Variants in RGS6 observed in about 807,000 individuals in gnomAD.
RGS6 encodes the protein regulator of G protein signaling 6, also known as regulator of G-protein signaling 6.
Under a neutral mutation model 78.5 loss-of-function variants are expected in RGS6, and 30 were observed. The ratio of observed to expected loss-of-function variants is 0.38; its 90% confidence interval spans 0.29 to 0.52. RGS6 has a LOEUF of 0.52. Among genes scored for constraint, RGS6 ranks in the 20% least tolerant of loss-of-function variants. RGS6 has a pLI of 0.85. For synonymous variants in RGS6, 206 were observed against 206.0 expected, an observed-to-expected ratio of 1.00 and a Z score of 0.00; for missense variants, 495 against 609.7, an observed-to-expected ratio of 0.81 and a Z score of 1.98.
At chr14:72,235,240 C>G (rs2050711483) in intron 2 of RGS6, among the ~76,000 whole-genome samples, 1 of 152,086 alleles carries the variant, frequency 6.6e-6, no homozygotes, top group Admixed American at 6.5e-5. Context: ...CTCCCACACC[C>G]CACCTTCAGT....
At chr14:72,376,420 G>C (rs1344928600) in intron 3 of RGS6, among the ~76,000 whole-genome samples, 2 of 152,164 alleles carry the variant, frequency 1.3e-5, no homozygotes, top group Middle Eastern at 3.2e-3. Context: ...AAGGGAAAAG[G>C]TGCAGAAAAC....
chr14:72,259,910 C>CAAAAATAAAAAAAAAAA, intron 2 of RGS6, among the ~76,000 whole-genome samples: 1 of 68,410 alleles, frequency 1.5e-5, no homozygotes, highest in Admixed American at 1.8e-4. Context: ...GACTCCGTCT[C>CAAAAATAAAAAAAAAAA]AAAAAAAAAA....
the RGS6 span, among the ~76,000 whole-genome samples, chr14:72,625,689 T>G: frequency 6.6e-6 from 1 of 152,218 alleles, no homozygotes; most frequent in African/African-American, 2.4e-5. Flanking sequence ...TCTCTACTTA[T>G]TTCTGTCTAT....
At chr14:72,595,727 T>A in the RGS6 span, among the ~76,000 whole-genome samples, 2 of 152,262 alleles carry the variant, frequency 1.3e-5, no homozygotes, top group African/African-American at 4.8e-5. Context: ...GGCCTCTGCC[T>A]TCTTTAAAGG....
chr14:72,399,436 G>A (rs902561868), intron 3 of RGS6, among the ~76,000 whole-genome samples: 5 of 152,094 alleles, frequency 3.3e-5, no homozygotes, highest in Non-Finnish European at 7.3e-5. Context: ...CTCTGCACGT[G>A]AGATGGGTTT....
At chr14:72,170,367 A>G (rs889064028) in intron 2 of RGS6, among the ~76,000 whole-genome samples, 4 of 152,212 alleles carry the variant, frequency 2.6e-5, no homozygotes, top group Non-Finnish European at 4.4e-5. Context: ...CGTTCACCCT[A>G]TATATGCTCT....
At chr14:72,244,684 T>G (rs987393426) in intron 2 of RGS6, among the ~76,000 whole-genome samples, 1 of 152,200 alleles carries the variant, frequency 6.6e-6, no homozygotes, top group Admixed American at 6.5e-5. Flanking sequence ...ACCCCACATG[T>G]GTACCAAAAG....
Position 72,170,543 on chromosome 14 carries a change from C to T in RGS6, c.85-181552C>T, listed in dbSNP as rs1481607156. Among the ~76,000 whole-genome samples, 3 of 152,196 alleles carry T rather than the reference C, an allele frequency of 2.0e-5. No individual in the cohort carries two copies. The East Asian group carries it at 5.8e-4, about 29-fold the overall frequency. Reference sequence around the variant, plus strand: ...ATGAGAGCCCAATTAAAAGAAGATACAGAGATAAGCATGTACGTTTTCATC... The same window carrying T: ...ATGAGAGCCCAATTAAAAGAAGATATAGAGATAAGCATGTACGTTTTCATC... On this transcript the variant is annotated intron_variant, in intron 2 of 17. Transcript: ENST00000553525.
chr14:72,217,452 G>T (rs2045862099), intron 2 of RGS6, among the ~76,000 whole-genome samples: 1 of 152,116 alleles, frequency 6.6e-6, no homozygotes, highest in Non-Finnish European at 1.5e-5. Context: ...GCACATCCTA[G>T]GGCTTTACTG....
chr14:72,042,545 A>G (rs2092511746), intron 2 of RGS6, among the ~76,000 whole-genome samples: 1 of 152,138 alleles, frequency 6.6e-6, no homozygotes, highest in African/African-American at 2.4e-5. Flanking sequence ...TTTTCTTTAC[A>G]TTTTGTATGT....
chr14:72,254,761 G>A (rs1420802569), intron 2 of RGS6, among the ~76,000 whole-genome samples: 1 of 152,042 alleles, frequency 6.6e-6, no homozygotes, highest in Admixed American at 6.6e-5. Context: ...AAAACAAAAG[G>A]CAGTATCCCT....
intron 3 of RGS6, among the ~76,000 whole-genome samples, chr14:72,392,113 G>C (rs908324271): frequency 1.3e-5 from 2 of 151,878 alleles, no homozygotes; most frequent in Admixed American, 1.3e-4. Context: ...CTGTCTCCTA[G>C]GTTCAAGTGA....
Position 72,010,988 on chromosome 14 carries a change from G to A in RGS6, c.84+46113G>A, listed in dbSNP as rs373394193. Among the ~76,000 whole-genome samples the A allele has an allele frequency of 4.1e-4, 63 of 152,240 alleles. No homozygotes were observed. The Middle Eastern group carries it at 0.01, about 25-fold the overall frequency. ...CCACTCATTGCAGCACTTATTAATG[G>A]CAAAACCGCAATACTTTTGCACCAA... is the stretch of plus-strand genomic sequence containing the variant. On this transcript the variant is annotated intron_variant, in intron 2 of 17. Transcript: ENST00000553525.
chr14:72,119,278 T>C (rs1017713355), intron 2 of RGS6, among the ~76,000 whole-genome samples: 2 of 152,162 alleles, frequency 1.3e-5, no homozygotes, highest in African/African-American at 4.8e-5. Context: ...GCTGTGGACG[T>C]AGATCATGGG....
At chr14:72,515,658 C>A (rs1040307459) in intron 14 of RGS6, 7 of 152,208 alleles carry the variant, frequency 4.6e-5, no homozygotes, top group African/African-American at 1.2e-4. Flanking sequence ...AGATCATGAC[C>A]CTGTCTCAAA....
intron 2 of RGS6, among the ~76,000 whole-genome samples, chr14:72,306,047 G>A (rs1343570251): frequency 1.3e-5 from 2 of 152,218 alleles, no homozygotes; most frequent in Non-Finnish European, 2.9e-5. Flanking sequence ...AAGACAGGCT[G>A]ACTCTCTTGT....
chr14:72,229,219 C>A (rs1424093437), intron 2 of RGS6, among the ~76,000 whole-genome samples: 1 of 152,124 alleles, frequency 6.6e-6, no homozygotes, highest in Non-Finnish European at 1.5e-5. Context: ...TATCAGTATA[C>A]TCTCATGCTG....
intron 3 of RGS6, among the ~76,000 whole-genome samples, chr14:72,436,317 A>G (rs971260824): frequency 1.3e-5 from 2 of 151,882 alleles, no homozygotes; most frequent in East Asian, 1.9e-4. Context: ...CCTTAAAACT[A>G]TACATGACTC....
intron 2 of RGS6, among the ~76,000 whole-genome samples, chr14:72,349,801 G>A (rs966170567): frequency 2.0e-5 from 3 of 152,230 alleles, no homozygotes; most frequent in African/African-American, 7.2e-5. Context: ...CGCAGCAGCA[G>A]AGGTGTAAAC....
Sources: allele counts gnomAD v4.1 joint callset (sites outside exome capture counted in the v4.1 genomes callset), GRCh38; gene constraint gnomAD v4.1.1; transcripts MANE v1.5; gene names NCBI Gene and HGNC (gene_info 2026-07-23, HGNC 2026-07-21).